The following ANO2 variants were observed in gnomAD, a reference collection of about 807,000 sequenced individuals.
ANO2 encodes the protein anoctamin-2.
In ANO2, 101 loss-of-function variants were observed where a neutral mutation model predicts 124.2. The observed-to-expected ratio is 0.81, with a 90% confidence interval of 0.69 to 0.96. The LOEUF (loss-of-function observed/expected upper bound fraction) is 0.96, where lower values mean the gene tolerates loss of function less well. Among genes scored for constraint, ANO2 ranks in the 40% least tolerant of loss-of-function variants. The pLI is 0.00. For synonymous variants in ANO2, 486 were observed against 482.5 expected (o/e 1.01, Z -0.09); for missense variants, 1,293 against 1,274.5 (o/e 1.01, Z -0.22).
intron 3 of ANO2, among the ~76,000 whole-genome samples, chr12:5,886,405 T>C (rs1938909371): frequency 6.6e-6 from 1 of 152,216 alleles, no homozygotes; most frequent in African/African-American, 2.4e-5. Flanking sequence ...TAATAGTGTT[T>C]GCCTGGGGCT....
chr12:5,873,739 G>A (rs1937899491), intron 3 of ANO2, among the ~76,000 whole-genome samples: 1 of 152,244 alleles, frequency 6.6e-6, no homozygotes, highest in Non-Finnish European at 1.5e-5. Context: ...GGGGCTGCTT[G>A]GGAGACATTC....
intron 23 of ANO2, among the ~76,000 whole-genome samples, chr12:5,572,736 CTT>C (rs1472380212): frequency 3.9e-5 from 6 of 152,150 alleles, no homozygotes; most frequent in Non-Finnish European, 7.3e-5. Flanking sequence ...TTCAAAGTCA[CTT>C]CAGCTTGATC....
At chr12:5,827,621 A>T (rs1406459982) in intron 7 of ANO2, 148 bp downstream of exon 7, 1 of 937,374 alleles carries the variant, frequency 1.1e-6, no homozygotes, top group East Asian at 2.7e-5. Context: ...GGGCCAAGGC[A>T]GGCTTCTCAG....
At chr12:5,874,528 C>A (rs746948099) in intron 3 of ANO2, among the ~76,000 whole-genome samples, 13 of 152,208 alleles carry the variant, frequency 8.5e-5, no homozygotes, top group Non-Finnish European at 1.8e-4. Context: ...GTTGTCACAG[C>A]CTCTTGCTCC....
At chr12:5,764,050 C>T (rs891430680) in intron 10 of ANO2, among the ~76,000 whole-genome samples, 3 of 152,158 alleles carry the variant, frequency 2.0e-5, no homozygotes, top group Non-Finnish European at 4.4e-5. Context: ...CACTATTCCA[C>T]ATTATCTAAC....
chr12:5,719,509 T>C lies in ANO2; in HGVS notation c.1545+13011A>G, dbSNP rs573070086. Among the ~76,000 whole-genome samples the C allele has an allele frequency of 6.6e-5, 10 of 152,158 alleles. No individual in the cohort carries two copies. The South Asian group carries it at 2.1e-3, about 32-fold the overall frequency. ...TCCTGAGGAGCTCTGCCCTCATGAA[T>C]GGATTCATGATCTGAAAAAAGAAGG... On this transcript the variant is annotated intron_variant, in intron 14 of 24. Transcript: ENST00000682330.
chr12:5,881,658 TA>T (rs1314260051), intron 3 of ANO2: 4 of 152,186 alleles, frequency 2.6e-5, no homozygotes, highest in African/African-American at 9.7e-5. Flanking sequence ...TGAGTCACAA[TA>T]CAACAATTAA....
chr12:5,837,484 C>G (rs1244379528), intron 4 of ANO2, among the ~76,000 whole-genome samples: 2 of 111,846 alleles, frequency 1.8e-5, no homozygotes, highest in East Asian at 3.3e-4. Context: ...CCCCTCCCCC[C>G]ACCCCACAAC....
chr12:5,721,288 G>C (rs898303506), intron 14 of ANO2, among the ~76,000 whole-genome samples: 13 of 152,166 alleles, frequency 8.5e-5, no homozygotes, highest in African/African-American at 3.1e-4. Flanking sequence ...CAAGAGAGAA[G>C]TCCGTGGGAG....
At chr12:5,897,907 T>G (rs1404137945) in intron 3 of ANO2, among the ~76,000 whole-genome samples, 1 of 151,954 alleles carries the variant, frequency 6.6e-6, no homozygotes, top group Non-Finnish European at 1.5e-5. Context: ...TAAAATGACG[T>G]AAAATAAAAT....
intron 4 of ANO2, among the ~76,000 whole-genome samples, chr12:5,835,771 CT>C (rs1954294106): frequency 6.6e-6 from 1 of 152,176 alleles, no homozygotes; most frequent in South Asian, 2.1e-4. Context: ...AGGTCTTGAC[CT>C]TTCTACCAAA....
At chr12:5,762,831 C>T (rs1030288009) in intron 10 of ANO2, among the ~76,000 whole-genome samples, 2 of 136,746 alleles carry the variant, frequency 1.5e-5, no homozygotes, top group East Asian at 2.1e-4. Flanking sequence ...TAAGAGATAG[C>T]GAAAATTTTT....
chr12:5,627,751 C>T (rs550166905), intron 16 of ANO2, among the ~76,000 whole-genome samples: 2 of 152,106 alleles, frequency 1.3e-5, no homozygotes, highest in Non-Finnish European at 1.5e-5. Flanking sequence ...TAATATATTG[C>T]CTTTTGCTAG....
intron 13 of ANO2, among the ~76,000 whole-genome samples, chr12:5,734,638 CT>C (rs905101509): frequency 1.3e-4 from 19 of 151,700 alleles, no homozygotes; most frequent in African/African-American, 4.6e-4. Flanking sequence ...GCTCCCTCAT[CT>C]TTTTTTTCTT....
At chr12:5,843,601 A>G (rs552652057) in intron 4 of ANO2, among the ~76,000 whole-genome samples, 5 of 152,292 alleles carry the variant, frequency 3.3e-5, no homozygotes, top group Admixed American at 3.3e-4. Context: ...AACTCAGAGA[A>G]TTTCTCCTGA....
At chr12:5,762,847 G>A (rs11063852) in intron 10 of ANO2, among the ~76,000 whole-genome samples, 60,894 of 151,568 alleles carry the variant, frequency 0.4, 13,436 homozygotes, top group East Asian at 0.59. Flanking sequence ...TTTTTTCTTC[G>A]CCTTTTAAGT....
At chr12:5,918,256 C>T (rs1489409744) in intron 3 of ANO2, among the ~76,000 whole-genome samples, 1 of 152,166 alleles carries the variant, frequency 6.6e-6, no homozygotes, top group Non-Finnish European at 1.5e-5. Context: ...CCTCTTCCTA[C>T]ATGGGTGGAA....
intron 10 of ANO2, among the ~76,000 whole-genome samples, chr12:5,783,688 T>C (rs1158424908): frequency 6.6e-6 from 1 of 152,232 alleles, no homozygotes; most frequent in African/African-American, 2.4e-5. Context: ...TGTTTGGCTG[T>C]CACTCAGAAG....
intron 14 of ANO2, among the ~76,000 whole-genome samples, chr12:5,699,119 C>G (rs1023342003): frequency 5.3e-5 from 8 of 152,124 alleles, no homozygotes; most frequent in Non-Finnish European, 7.3e-5. Flanking sequence ...TCGAGAAGAG[C>G]AACTCCAAGA....
Sources: gnomAD v4.1 joint callset for allele counts (sites outside exome capture counted in the v4.1 genomes callset) on GRCh38, gnomAD v4.1.1 for gene constraint, MANE v1.5 for transcripts, NCBI Gene and HGNC (gene_info 2026-07-23, HGNC 2026-07-21) for gene names.